The following APBB1IP variants were observed in gnomAD, a reference collection of about 807,000 sequenced individuals.
The protein encoded by APBB1IP is amyloid beta precursor protein binding family B member 1 interacting protein.
Under a neutral mutation model 64.9 loss-of-function variants are expected in APBB1IP, and 27 were observed. That is an observed-to-expected ratio of 0.42 (90% confidence interval 0.31 to 0.57). The LOEUF (loss-of-function observed/expected upper bound fraction) is 0.57, where lower values mean the gene tolerates loss of function less well. Among genes scored for constraint, APBB1IP ranks in the 20% least tolerant of loss-of-function variants. APBB1IP has a pLI of 0.20. For synonymous variants in APBB1IP, 392 were observed against 331.0 expected (o/e 1.18, Z -2.00); for missense variants, 812 against 845.5 (o/e 0.96, Z 0.49).
At chr10:26,448,979 T>C (rs1282728987) in intron 2 of APBB1IP, among the ~76,000 whole-genome samples, 5 of 152,188 alleles carry the variant, frequency 3.3e-5, no homozygotes, top group Non-Finnish European at 4.4e-5. Flanking sequence ...ACTCTCTTTG[T>C]GGCGGTTCTC....
intron 2 of APBB1IP, among the ~76,000 whole-genome samples, chr10:26,445,634 C>T (rs1040380482): frequency 6.6e-6 from 1 of 152,182 alleles, no homozygotes; most frequent in Non-Finnish European, 1.5e-5. Flanking sequence ...CAAGATTCTG[C>T]GGAAGTTAGG....
chr10:26,557,650 C>A (rs1836910547), intron 11 of APBB1IP, among the ~76,000 whole-genome samples: 1 of 152,174 alleles, frequency 6.6e-6, no homozygotes, highest in East Asian at 1.9e-4. Flanking sequence ...TATATAGTAA[C>A]CTCTCTGAGC....
chr10:26,494,271 G>C (rs1417866500), intron 3 of APBB1IP, among the ~76,000 whole-genome samples: 2 of 152,226 alleles, frequency 1.3e-5, no homozygotes, highest in Admixed American at 6.5e-5. Context: ...CGCCACTACA[G>C]CCTGGCAGCT....
intron 14 of APBB1IP, among the ~76,000 whole-genome samples, chr10:26,562,685 T>C (rs932176568): frequency 2.0e-5 from 3 of 151,998 alleles, no homozygotes; most frequent in African/African-American, 7.2e-5. Context: ...TAGTCCCAGC[T>C]ACTGGGGAGG....
At position 26,567,652 on chromosome 10, in the gene APBB1IP, C is replaced by A. The variant is rs1409773297; in HGVS notation, c.*164C>A. On this transcript the variant is annotated 3_prime_UTR_variant, in exon 15 of 15. Transcript: ENST00000376236. Reference sequence around the variant, plus strand: ...GCATAACCATTAACCCAGTAGAGTTCAGAATATCTGCCCAAATGTACATAT... The same window carrying A: ...GCATAACCATTAACCCAGTAGAGTTAAGAATATCTGCCCAAATGTACATAT... 1.7e-5 allele frequency: 24 copies of A among 1,377,044 alleles called. No individual in the cohort carries two copies. The highest frequency in any genetic ancestry group is 2.2e-5 in the Non-Finnish European group (23 of 1,050,958). The allele number at this position is 1,377,044 out of a possible 1,614,324, so 85.3% of individuals were successfully genotyped here. A position where few individuals can be genotyped will look rare whatever the true frequency, so the allele number is the denominator to read the frequency against.
In APBB1IP at chr10:26,511,892, C is replaced by T. The variant is rs780615541; in HGVS notation, c.677C>T (p.Pro226Leu). 9.9e-6 allele frequency: 16 copies of T among 1,614,014 alleles called. No individual in the cohort carries two copies. The highest frequency in any genetic ancestry group is 4.5e-5 in the East Asian group (2 of 44,896). The change falls in exon 7 of 15, where the codon CCG (proline) becomes CTG (leucine). Residue 226 changes from proline to leucine, a missense_variant. Physicochemically the swap from Pro to Leu is moderately conservative, Grantham distance 98 (BLOSUM62 -3). This residue lies in a region of APBB1IP where 394 missense variants were observed against 413.1 expected (regional missense o/e 0.95). Coordinates refer to ENST00000376236, the MANE Select transcript of APBB1IP (RefSeq NM_019043.4). Reference sequence around the variant, plus strand: ...GACTGGTGTCTTTATGAAATCTACCCGGAACTACAAATTGGTAAGTCCCAT... The same window carrying T: ...GACTGGTGTCTTTATGAAATCTACCTGGAACTACAAATTGGTAAGTCCCAT... ...NVDWCLYEIY[P>L]ELQIERFFED...
rs781169195 is a variant in APBB1IP at position 26,511,788 on chromosome 10, A to C, written c.573A>C (p.Ser191=). The change falls in exon 7 of 15, where the codon TCA becomes TCC. Residue 191 remains serine, a synonymous_variant. Transcript: ENST00000376236. ...ACATGAATGATAACAGCACAAAGTC[A>C]CTGATGGTGGATGAGCGGCAGCTGG... ...KVHMNDNSTK[S]LMVDERQLAR... is the part of the protein sequence containing the mutation. 8.5e-5 allele frequency: 137 copies of C among 1,614,058 alleles called. No homozygotes were observed. The highest frequency in any genetic ancestry group is 1.1e-4 in the Non-Finnish European group (135 of 1,180,030).
intron 8 of APBB1IP, among the ~76,000 whole-genome samples, chr10:26,530,358 C>T (rs971016161): frequency 6.6e-6 from 1 of 151,442 alleles, no homozygotes. Flanking sequence ...CCATTATGCC[C>T]GGCTCTGTAC....
chr10:26,476,824 G>A (rs368589264), intron 2 of APBB1IP, among the ~76,000 whole-genome samples: 19 of 151,988 alleles, frequency 1.3e-4, no homozygotes, highest in Admixed American at 9.2e-4. Context: ...TTTTTAAGGC[G>A]GAGTCTTGCT....
At chr10:26,492,636 C>T (rs926275919) in intron 3 of APBB1IP, among the ~76,000 whole-genome samples, 21 of 151,994 alleles carry the variant, frequency 1.4e-4, no homozygotes, top group East Asian at 1.9e-4. Flanking sequence ...CATCACATGT[C>T]GGCAGGTTCC....
rs1322164197 is a variant in APBB1IP, at chr10:26,454,950, G to A, written c.-1+16097G>A. ...GATGAGGATGTGGAGAAATTGGGAG[G>A]GCTTTGAATGGCTCTCCACAGTTTG... On this transcript the variant is annotated intron_variant, in intron 2 of 14. Coordinates refer to ENST00000376236, the MANE Select transcript of APBB1IP (RefSeq NM_019043.4). Among the ~76,000 whole-genome samples the A allele has an allele frequency of 2.6e-5, 4 of 152,162 alleles. No homozygotes were observed. In the South Asian group the frequency reaches 8.3e-4, roughly 32 times the overall value.
chr10:26,473,426 T>C (rs1314243886), intron 2 of APBB1IP, among the ~76,000 whole-genome samples: 1 of 152,254 alleles, frequency 6.6e-6, no homozygotes, highest in African/African-American at 2.4e-5. Context: ...AGCCGTCTTC[T>C]CTAAATGGTA....
chr10:26,548,915 G>C (rs1017273868), intron 11 of APBB1IP, among the ~76,000 whole-genome samples: 13 of 152,116 alleles, frequency 8.5e-5, no homozygotes, highest in African/African-American at 2.9e-4. Context: ...TCCTTATCTT[G>C]TTTGAGATCT....
chr10:26,440,609 C>A (rs952359294), intron 2 of APBB1IP, among the ~76,000 whole-genome samples: 1 of 152,086 alleles, frequency 6.6e-6, no homozygotes, highest in African/African-American at 2.4e-5. Context: ...ATTGCTATTT[C>A]TCAAGAAATA....
At chr10:26,488,706 C>T (rs963711311) in intron 2 of APBB1IP, among the ~76,000 whole-genome samples, 2 of 152,178 alleles carry the variant, frequency 1.3e-5, no homozygotes, top group Non-Finnish European at 2.9e-5. Context: ...TTTTTAATCC[C>T]AACAATACAC....
intron 2 of APBB1IP, among the ~76,000 whole-genome samples, chr10:26,474,159 G>A (rs186909477): frequency 1.2e-3 from 190 of 152,140 alleles, no homozygotes; most frequent in Non-Finnish European, 1.7e-3. Context: ...CAGTTCTAGC[G>A]TGGGCTGTGG....
In APBB1IP at chr10:26,567,180, G is replaced by A; in HGVS notation, c.1693G>A (p.Asp565Asn). 7.1e-7 allele frequency: 1 copy of A among 1,413,584 alleles called. No homozygotes were observed. Among genetic ancestry groups the A allele is most frequent in the East Asian group, 3.3e-5 (1 of 30,590 alleles). 87.6% of individuals were successfully genotyped at this position (1,413,584 alleles called of 1,614,324 possible). ...GCCGCCACCGCCGCCGCCCCTCGAT[G>A]ACCCTGAGCTCCCGCCGCCGCCCCC... ...PPPPPPPPLDDPELPPPPPDF... is the reference protein window; with the variant it reads ...PPPPPPPPLDNPELPPPPPDF... The change falls in exon 15 of 15, where the codon GAC (aspartate) becomes AAC (asparagine). Residue 565 changes from aspartate to asparagine, a missense_variant. Asp to Asn is a conservative substitution (Grantham distance 23, BLOSUM62 1). Around this residue, in one of 3 missense-constraint regions of APBB1IP, gnomAD observed 381 missense variants for 352.1 expected, o/e 1.08. Transcript: ENST00000376236.
At chr10:26,530,499 G>T (rs1242678303) in intron 8 of APBB1IP, among the ~76,000 whole-genome samples, 1 of 151,960 alleles carries the variant, frequency 6.6e-6, no homozygotes, top group Non-Finnish European at 1.5e-5. Context: ...AGACCATCCT[G>T]GCCAACATGG....
At chr10:26,564,208 G>A in intron 14 of APBB1IP, among the ~76,000 whole-genome samples, 1 of 151,534 alleles carries the variant, frequency 6.6e-6, no homozygotes, top group Non-Finnish European at 1.5e-5. Context: ...CTGATAAACT[G>A]TAAATTGAAA....
Sources: allele counts gnomAD v4.1 joint callset (sites outside exome capture counted in the v4.1 genomes callset), GRCh38; gene constraint gnomAD v4.1.1; regional missense constraint gnomAD v4.1.1; transcripts MANE v1.5; gene names NCBI Gene and HGNC (gene_info 2026-07-23, HGNC 2026-07-21).